Variants in RSRC1 observed in about 807,000 individuals in gnomAD.
RSRC1 encodes the protein serine/Arginine-related protein 53.
Under a neutral mutation model 49.1 loss-of-function variants are expected in RSRC1, and 39 were observed. That is an observed-to-expected ratio of 0.79 (90% CI 0.61 to 1.04). RSRC1 has a LOEUF of 1.04. Ranked by LOEUF, RSRC1 falls within the 50% of genes least tolerant of loss-of-function variation. The pLI is 0.00. For missense variants in RSRC1, 388 were observed against 402.4 expected (o/e 0.96, Z 0.31); for synonymous variants, 143 against 130.8 (o/e 1.09, Z -0.63).
At chr3:158,411,902 A>G (rs1734482802) in intron 6 of RSRC1, among the ~76,000 whole-genome samples, 1 of 152,164 alleles carries the variant, frequency 6.6e-6, no homozygotes, top group South Asian at 2.1e-4. Context: ...ATAACTGAAC[A>G]TAGCTCTTCC....
intron 5 of RSRC1, among the ~76,000 whole-genome samples, chr3:158,312,784 C>A (rs1728203479): frequency 6.6e-6 from 1 of 152,060 alleles, no homozygotes; most frequent in Non-Finnish European, 1.5e-5. Flanking sequence ...TTTCTCAAAA[C>A]CATGTCTTCC....
chr3:158,173,090 C>T (rs1718973033), intron 3 of RSRC1, among the ~76,000 whole-genome samples: 1 of 151,890 alleles, frequency 6.6e-6, no homozygotes, highest in Non-Finnish European at 1.5e-5. Flanking sequence ...TGATTTATAT[C>T]TGTGATTATT....
intron 5 of RSRC1, among the ~76,000 whole-genome samples, chr3:158,309,412 G>A (rs1728011994): frequency 6.6e-6 from 1 of 151,306 alleles, no homozygotes. Flanking sequence ...TATAATTATT[G>A]GTCTGATTTT....
At chr3:158,464,486 TC>T (rs1737776790) in intron 7 of RSRC1, among the ~76,000 whole-genome samples, 2 of 152,194 alleles carry the variant, frequency 1.3e-5, no homozygotes, top group South Asian at 4.1e-4. Context: ...GGCAGCCCTT[TC>T]TAAATTATTC....
At chr3:158,218,439 A>T (rs699924) in intron 4 of RSRC1, among the ~76,000 whole-genome samples, 86,483 of 151,312 alleles carry the variant, frequency 0.57, 25,081 homozygotes, top group East Asian at 0.73. Context: ...TGAGATGCAG[A>T]TGTTAAGGAT....
chr3:158,405,813 C>T (rs528655691), intron 6 of RSRC1, among the ~76,000 whole-genome samples: 3 of 151,990 alleles, frequency 2.0e-5, no homozygotes, highest in South Asian at 4.2e-4. Context: ...TTTGCTAGAT[C>T]GAGTAGCTAA....
At chr3:158,310,895 A>G (rs1728085642) in intron 5 of RSRC1, among the ~76,000 whole-genome samples, 1 of 151,744 alleles carries the variant, frequency 6.6e-6, no homozygotes, top group Non-Finnish European at 1.5e-5. Context: ...CAATGCCAAT[A>G]TTACTTCTTT....
chr3:158,285,180 G>A (rs1056189146), intron 4 of RSRC1, among the ~76,000 whole-genome samples: 1 of 152,046 alleles, frequency 6.6e-6, no homozygotes, highest in South Asian at 2.1e-4. Context: ...TTTTTGTCAG[G>A]TTTGTCAAAG....
chr3:158,200,220 A>T (rs959858827), intron 3 of RSRC1, among the ~76,000 whole-genome samples: 1 of 151,942 alleles, frequency 6.6e-6, no homozygotes, highest in South Asian at 2.1e-4. Context: ...TGTATTTTTT[A>T]GTAGAGACAG....
At chr3:158,444,018 G>A (rs184520778) in intron 6 of RSRC1, among the ~76,000 whole-genome samples, 1 of 152,256 alleles carries the variant, frequency 6.6e-6, no homozygotes, top group African/African-American at 2.4e-5. Flanking sequence ...GGCCTGGTTT[G>A]TGGCATCCCA....
chr3:158,390,035 A>G (rs1241877064), intron 6 of RSRC1, among the ~76,000 whole-genome samples: 2 of 152,222 alleles, frequency 1.3e-5, no homozygotes, highest in Non-Finnish European at 2.9e-5. Flanking sequence ...TTCAGGTAAC[A>G]GATTTGAGTA....
intron 4 of RSRC1, among the ~76,000 whole-genome samples, chr3:158,248,122 A>G (rs1464612313): frequency 1.3e-5 from 2 of 152,168 alleles, no homozygotes; most frequent in African/African-American, 4.8e-5. Context: ...CCTCCTTCAC[A>G]GGCATTTTCT....
At chr3:158,169,185 C>T (rs899578545) in intron 3 of RSRC1, among the ~76,000 whole-genome samples, 1 of 152,124 alleles carries the variant, frequency 6.6e-6, no homozygotes, top group Non-Finnish European at 1.5e-5. Context: ...AAAGTATGTA[C>T]AGTGAGAGTT....
chr3:158,498,220 C>G (rs1739436772), intron 7 of RSRC1, among the ~76,000 whole-genome samples: 1 of 149,652 alleles, frequency 6.7e-6, no homozygotes, highest in Non-Finnish European at 1.5e-5. Context: ...ATCATCGCAT[C>G]CATGCCAACA....
At chr3:158,490,338 C>T (rs962019807) in intron 7 of RSRC1, among the ~76,000 whole-genome samples, 21 of 152,316 alleles carry the variant, frequency 1.4e-4, no homozygotes, top group African/African-American at 4.8e-4. Context: ...CCCACCTCAC[C>T]CTTCCAAAGT....
At chr3:158,224,810 T>A (rs1722432393) in intron 4 of RSRC1, among the ~76,000 whole-genome samples, 1 of 151,896 alleles carries the variant, frequency 6.6e-6, no homozygotes, top group Admixed American at 6.6e-5. Context: ...GAACAAGCTA[T>A]GAAATGTATG....
At chr3:158,413,003 A>G (rs980837447) in intron 6 of RSRC1, among the ~76,000 whole-genome samples, 1 of 152,144 alleles carries the variant, frequency 6.6e-6, no homozygotes, top group Non-Finnish European at 1.5e-5. Context: ...TAAAATTCAT[A>G]TGGAACCAAA....
intron 6 of RSRC1, among the ~76,000 whole-genome samples, chr3:158,445,485 C>G (rs1736653970): frequency 6.6e-6 from 1 of 151,938 alleles, no homozygotes; most frequent in Non-Finnish European, 1.5e-5. Context: ...AGGGGAACCT[C>G]ACACACCGGG....
At chr3:158,462,785 A>C (rs1265756848) in intron 7 of RSRC1, among the ~76,000 whole-genome samples, 1 of 151,928 alleles carries the variant, frequency 6.6e-6, no homozygotes, top group Non-Finnish European at 1.5e-5. Context: ...AATTCTTTGT[A>C]ATTTTTAATT....
Sources: allele counts gnomAD v4.1 joint callset (sites outside exome capture counted in the v4.1 genomes callset), GRCh38; gene constraint gnomAD v4.1.1; transcripts MANE v1.5; gene names NCBI Gene and HGNC (gene_info 2026-07-23, HGNC 2026-07-21).